The following CACNB4 variants were observed in gnomAD, a reference collection of about 807,000 sequenced individuals.
CACNB4 encodes the protein voltage-dependent L-type calcium channel subunit beta-4.
Under a neutral mutation model 71.2 loss-of-function variants are expected in CACNB4, and 32 were observed. The observed-to-expected ratio is 0.45, with a 90% CI of 0.34 to 0.60. The LOEUF is 0.60. Among genes scored for constraint, CACNB4 ranks in the 20% least tolerant of loss-of-function variants. CACNB4 has a pLI of 0.01. For missense variants in CACNB4, 464 were observed against 647.9 expected, an observed-to-expected ratio of 0.72 and a Z score of 3.08; for synonymous variants, 231 against 236.9, an observed-to-expected ratio of 0.97 and a Z score of 0.23.
intron 2 of CACNB4, among the ~76,000 whole-genome samples, chr2:151,989,749 C>T (rs1297006384): frequency 6.6e-6 from 1 of 152,174 alleles, no homozygotes; most frequent in African/African-American, 2.4e-5. Flanking sequence ...CTCAGATGTC[C>T]CATGGTCCAC....
chr2:151,992,651 C>T (rs1237812245), intron 2 of CACNB4, among the ~76,000 whole-genome samples: 1 of 152,176 alleles, frequency 6.6e-6, no homozygotes, highest in Non-Finnish European at 1.5e-5. Context: ...CAAACCAGCA[C>T]CCGGGGGAGC....
chr2:151,941,275 A>ATTTT (rs11346045), intron 2 of CACNB4, among the ~76,000 whole-genome samples: 5 of 112,298 alleles, frequency 4.5e-5, no homozygotes, highest in Admixed American at 9.6e-5. Flanking sequence ...AAAATGGTTA[A>ATTTT]TTTTTTTTTT....
intron 2 of CACNB4, among the ~76,000 whole-genome samples, chr2:151,927,737 G>C (rs1333233509): frequency 6.6e-6 from 1 of 152,240 alleles, no homozygotes; most frequent in Non-Finnish European, 1.5e-5. Flanking sequence ...GTGCTGAGTA[G>C]GTGGAGGGTT....
intron 2 of CACNB4, among the ~76,000 whole-genome samples, chr2:151,955,270 C>T (rs2151677207): frequency 6.6e-6 from 1 of 152,318 alleles, no homozygotes; most frequent in Middle Eastern, 3.4e-3. Flanking sequence ...TCTTACTATG[C>T]ACTGAGAACA....
At chr2:152,078,939 C>T (rs536870702) in intron 2 of CACNB4, among the ~76,000 whole-genome samples, 2 of 152,142 alleles carry the variant, frequency 1.3e-5, no homozygotes, top group East Asian at 1.9e-4. Flanking sequence ...GTGTGGTCCA[C>T]CATGTCTCTC....
chr2:152,054,315 G>C (rs1685611676), intron 2 of CACNB4, among the ~76,000 whole-genome samples: 1 of 143,226 alleles, frequency 7.0e-6, no homozygotes, highest in Non-Finnish European at 1.5e-5. Context: ...GCAGTGAGCC[G>C]AGATCGCGCC....
At chr2:152,037,910 G>GGCCGGGCCCCAGCCTGCAGTGAACACAGA (rs1488155903) in intron 2 of CACNB4, among the ~76,000 whole-genome samples, 2 of 152,226 alleles carry the variant, frequency 1.3e-5, no homozygotes, top group African/African-American at 2.4e-5. Context: ...GCAGGGAGCT[G>GGCCGGGCCCCAGCCTGCAGTGAACACAGA]GCCGGGCCCC....
intron 2 of CACNB4, among the ~76,000 whole-genome samples, chr2:151,964,615 G>GT (rs1169780993): frequency 1.3e-5 from 2 of 152,152 alleles, no homozygotes; most frequent in African/African-American, 4.8e-5. Flanking sequence ...GACAACATTA[G>GT]TTTTAAGATG....
At chr2:151,866,537 T>C (rs1201738493) in intron 9 of CACNB4, 1 of 152,240 alleles carries the variant, frequency 6.6e-6, no homozygotes, top group Non-Finnish European at 1.5e-5. Flanking sequence ...TAAAACATAA[T>C]GCAGCATGAT....
chr2:152,062,013 A>AAATAATAATAATAAT (rs10664776), intron 2 of CACNB4, among the ~76,000 whole-genome samples: 4,880 of 141,116 alleles, frequency 0.035, 165 homozygotes, highest in East Asian at 0.17. Flanking sequence ...TTCCATCTCA[A>AAATAATAATAATAAT]AATAATAATA....
At chr2:152,014,601 G>A (rs1683238834) in intron 2 of CACNB4, among the ~76,000 whole-genome samples, 1 of 151,854 alleles carries the variant, frequency 6.6e-6, no homozygotes, top group African/African-American at 2.4e-5. Flanking sequence ...TGTGGTGGCA[G>A]GCACCTATAA....
chr2:152,046,859 A>AC (rs1165551030), intron 2 of CACNB4, among the ~76,000 whole-genome samples: 1 of 152,078 alleles, frequency 6.6e-6, no homozygotes, highest in African/African-American at 2.4e-5. Flanking sequence ...AGGCGCTACC[A>AC]CCCAGTTAGG....
chr2:152,003,698 A>G (rs1365633098), intron 2 of CACNB4, among the ~76,000 whole-genome samples: 1 of 152,192 alleles, frequency 6.6e-6, no homozygotes, highest in African/African-American at 2.4e-5. Flanking sequence ...ACTGGATAAA[A>G]ATGTAATTCA....
chr2:152,098,289 C>A lies in CACNB4; in HGVS notation c.147+41G>T. The A allele has an allele frequency of 6.5e-7, 1 of 1,527,648 alleles. No homozygotes were observed. The highest frequency in any genetic ancestry group is 9.1e-7 in the Non-Finnish European group (1 of 1,102,354). 94.6% of individuals were successfully genotyped at this position (1,527,648 alleles called of 1,614,324 possible). On this transcript the variant is annotated intron_variant, in intron 2 of 13. Coordinates refer to ENST00000539935, the MANE Select transcript of CACNB4 (RefSeq NM_000726.5). This position sits in a 1 kb window ranked among gnomAD's most constrained non-coding sequence, Gnocchi z 5.3. Reference sequence around the variant, plus strand: ...CTCCAGGACCCCCGCGCCGCGCGCTCGGCCTCCTCCCCATCCTGGTCTCCC... The same window carrying A: ...CTCCAGGACCCCCGCGCCGCGCGCTAGGCCTCCTCCCCATCCTGGTCTCCC...
intron 2 of CACNB4, among the ~76,000 whole-genome samples, chr2:151,919,706 C>T (rs2099858435): frequency 6.6e-6 from 1 of 152,156 alleles, no homozygotes; most frequent in Non-Finnish European, 1.5e-5. Flanking sequence ...CTCCCTCCTA[C>T]CTTGACGCCC....
chr2:152,099,063 G>A, upstream of CACNB4: 1 of 1,302,858 alleles, frequency 7.7e-7, no homozygotes, highest in Non-Finnish European at 1.0e-6. Flanking sequence ...GAGGGGGCTG[G>A]CCCCCGAGGC....
At chr2:152,031,672 G>A (rs899190583) in intron 2 of CACNB4, among the ~76,000 whole-genome samples, 2 of 152,042 alleles carry the variant, frequency 1.3e-5, no homozygotes, top group Admixed American at 6.6e-5. Context: ...AGCCCCTCCC[G>A]GCCGCCATTA....
At chr2:151,958,204 T>C (rs1395911467) in intron 2 of CACNB4, among the ~76,000 whole-genome samples, 5 of 152,138 alleles carry the variant, frequency 3.3e-5, no homozygotes, top group Non-Finnish European at 7.3e-5. Flanking sequence ...TACTTCTAAA[T>C]AGAAAAAGAA....
At chr2:151,843,735 C>T (rs1443420691) in intron 12 of CACNB4, among the ~76,000 whole-genome samples, 1 of 152,142 alleles carries the variant, frequency 6.6e-6, no homozygotes. Flanking sequence ...TCACTGCCAT[C>T]GGCACTGATA....
Sources: allele counts gnomAD v4.1 joint callset (sites outside exome capture counted in the v4.1 genomes callset), GRCh38; gene constraint gnomAD v4.1.1; non-coding constraint Gnocchi (gnomAD v3.1); transcripts MANE v1.5; gene names NCBI Gene and HGNC (gene_info 2026-07-23, HGNC 2026-07-21).